Variants in ASAH1 observed in about 807,000 individuals in gnomAD.
The protein encoded by ASAH1 is acid ceramidase.
A neutral mutation model predicts 59.5 loss-of-function variants in ASAH1; 70 were observed. That is an observed-to-expected ratio of 1.18 (90% confidence interval 0.97 to 1.43). The LOEUF (loss-of-function observed/expected upper bound fraction) is 1.43, where lower values mean the gene tolerates loss of function less well. ASAH1 is among the 40% of genes most tolerant of loss of function. ASAH1 has a pLI of 0.00. For synonymous variants in ASAH1, 213 were observed against 166.5 expected (o/e 1.28, Z -2.15); for missense variants, 660 against 482.5 (o/e 1.37, Z -3.45).
intron 1 of ASAH1, among the ~76,000 whole-genome samples, chr8:18,079,855 C>T (rs7825389): frequency 0.49 from 74,492 of 152,064 alleles, 18,651 homozygotes; most frequent in Non-Finnish European, 0.54. Context: ...CCTACGTGTA[C>T]AAGAATTCAC....
At chr8:18,081,560 G>C (rs982694709) in intron 1 of ASAH1, among the ~76,000 whole-genome samples, 2 of 152,140 alleles carry the variant, frequency 1.3e-5, no homozygotes, top group African/African-American at 4.8e-5. Flanking sequence ...TTGTGCCACT[G>C]TCTTCACCAT....
chr8:18,083,936 C>G (rs1426496566), intron 1 of ASAH1, 45 bp downstream of exon 1: 3 of 1,577,530 alleles, frequency 1.9e-6, no homozygotes, highest in African/African-American at 2.7e-5. Flanking sequence ...CATCCGCGCC[C>G]GCACCTGCAC....
intron 9 of ASAH1, 60 bp from the exon 10 acceptor site, chr8:18,061,518 G>C (rs1799699091): frequency 1.3e-6 from 2 of 1,492,342 alleles, no homozygotes; most frequent in Admixed American, 3.3e-5. Flanking sequence ...AACCAGTCAG[G>C]ACCCGGAAGA....
chr8:18,067,094 G>GACCCGTGC, intron 5 of ASAH1, 126 bp downstream of exon 5: 2 of 119,538 alleles, frequency 1.7e-5, no homozygotes, highest in Non-Finnish European at 5.8e-5. Context: ...GTATATCTAA[G>GACCCGTGC]ACCTGTGCAC....
Position 18,057,471 on chromosome 8 carries a change from T to G in ASAH1, c.*63A>C. ...TTGGAAGGTCAGACAGCTGCAGTGT[T>G]CGGTCACATGGAGATGGTGTCTTCA... On this transcript the variant is annotated 3_prime_UTR_variant, in exon 14 of 14. Coordinates refer to ENST00000637790, the MANE Select transcript of ASAH1 (RefSeq NM_177924.5). 1 of 1,327,398 alleles carries G rather than the reference T, an allele frequency of 7.5e-7. No homozygotes were observed. The highest frequency in any genetic ancestry group is 1.1e-6 in the Non-Finnish European group (1 of 937,250). 82.2% of individuals were successfully genotyped at this position (1,327,398 alleles called of 1,614,324 possible).
At position 18,063,315 on chromosome 8, in the gene ASAH1, T is replaced by A. The variant is rs547651431; in HGVS notation, c.458-85A>T. 1,718 of 1,284,940 alleles carry A rather than the reference T, an allele frequency of 1.3e-3. 3 individuals carry two copies. The highest frequency in any genetic ancestry group is 4.1e-3 in the Middle Eastern group (22 of 5,360). 79.6% of individuals were successfully genotyped at this position (1,284,940 alleles called of 1,614,324 possible). A position where few individuals can be genotyped will look rare whatever the true frequency, so the allele number is the denominator to read the frequency against. On this transcript the variant is annotated intron_variant, in intron 6 of 13. Transcript: ENST00000637790. ...GACAATTAATTTTGATTAATTAATTTATTTTTGAGACAGAGTCTCGTTCTG... is the reference window on the plus strand; with the variant it reads ...GACAATTAATTTTGATTAATTAATTAATTTTTGAGACAGAGTCTCGTTCTG...
chr8:18,074,893 C>T (rs949919537), intron 2 of ASAH1, among the ~76,000 whole-genome samples: 2 of 152,106 alleles, frequency 1.3e-5, no homozygotes, highest in Non-Finnish European at 2.9e-5. Flanking sequence ...TATATCCAGG[C>T]ACCATAGAGA....
At position 18,078,762 on chromosome 8, in the gene ASAH1, G is replaced by T. The variant is rs572562191; in HGVS notation, c.79-3175C>A. On this transcript the variant is annotated intron_variant, in intron 1 of 13. Transcript: ENST00000637790. ...TTAAATAGATGATAGGTAAAGATTA[G>T]AAACAGATGATAAGAAGAGAGATTA... Among the ~76,000 whole-genome samples, 3 of 152,232 alleles carry T rather than the reference G, an allele frequency of 2.0e-5. No homozygotes were observed. In the South Asian group the frequency reaches 6.2e-4, roughly 32 times the overall value.
intron 10 of ASAH1, chr8:18,060,470 A>C (rs1245406405): frequency 6.6e-6 from 1 of 152,328 alleles, no homozygotes; most frequent in Non-Finnish European, 1.5e-5. Context: ...CCTTTCACTC[A>C]ACAACAGAAC....
chr8:18,058,147 C>G (rs1799547138), intron 13 of ASAH1: 1 of 153,276 alleles, frequency 6.5e-6, no homozygotes, highest in Admixed American at 6.5e-5. Flanking sequence ...GTGACTTGCT[C>G]AAAGATGGTA....
intron 1 of ASAH1, among the ~76,000 whole-genome samples, chr8:18,079,133 CT>C (rs1195684669): frequency 1.8e-5 from 2 of 113,660 alleles, no homozygotes; most frequent in Non-Finnish European, 4.2e-5. Flanking sequence ...CAAAAATTAG[CT>C]GGGTGGCATG....
At chr8:18,074,284 A>G (rs1800298397) in intron 2 of ASAH1, among the ~76,000 whole-genome samples, 1 of 150,416 alleles carries the variant, frequency 6.6e-6, no homozygotes, top group South Asian at 2.1e-4. Flanking sequence ...CATTGAAGAA[A>G]GAGCTGGAAT....
chr8:18,071,425 A>C (rs1800173336), intron 2 of ASAH1, 35 bp from the exon 3 acceptor site: 3 of 1,380,056 alleles, frequency 2.2e-6, no homozygotes, highest in African/African-American at 1.4e-5. Flanking sequence ...GAAATGATGA[A>C]AGGGTTTTTT....
rs961297650 is a variant in ASAH1, at chr8:18,061,013, A to T, written c.785+364T>A. 1.9e-5 allele frequency: 4 copies of T among 213,628 alleles called. No homozygotes were observed. The East Asian group carries it at 4.9e-4, about 26-fold the overall frequency. The allele number at this position is 213,628 out of a possible 1,614,324, so 13.2% of individuals were successfully genotyped here. A position where few individuals can be genotyped will look rare whatever the true frequency, so the allele number is the denominator to read the frequency against. On this transcript the variant is annotated intron_variant, in intron 10 of 13. Transcript: ENST00000637790. ...AGTCATCTGTCTATCTCAGCCACCC[A>T]AAGCGTGAGGATTACAGGCATAAGC... is the stretch of plus-strand genomic sequence containing the variant.
upstream of ASAH1, chr8:18,084,793 G>A (rs1197830333): frequency 3.7e-6 from 6 of 1,613,362 alleles, no homozygotes; most frequent in Non-Finnish European, 5.1e-6. Context: ...GCCCGATGCA[G>A]CAGTTCATTA....
At position 18,069,852 on chromosome 8, in the gene ASAH1, C is replaced by T. The variant is rs755243342; in HGVS notation, c.243G>A (p.Lys81=). 6.3e-7 allele frequency: 1 copy of T among 1,591,216 alleles called. No homozygotes were observed. Among genetic ancestry groups the T allele is most frequent in the African/African-American group, 1.3e-5 (1 of 74,814 alleles). Residue 81 remains lysine (K), a synonymous_variant, in exon 4 of 14, where the codon AAG becomes AAA. Coordinates refer to ENST00000637790, the MANE Select transcript of ASAH1 (RefSeq NM_177924.5). ...PVLKVIVNSL[K]NMINTFVPSG... ...TTGGCACGAATGTATTTATCATATT[C>T]TTCAGAGAATTCACTATAACCTTTA...
chr8:18,071,256 A>AAT (rs1427899108), intron 3 of ASAH1, 44 bp downstream of exon 3: 12 of 1,058,936 alleles, frequency 1.1e-5, no homozygotes, highest in African/African-American at 6.6e-5. Context: ...AATAAAATAA[A>AAT]AAATAAAAAT....
chr8:18,077,626 C>T (rs1305962515), intron 1 of ASAH1, among the ~76,000 whole-genome samples: 1 of 152,168 alleles, frequency 6.6e-6, no homozygotes, highest in Non-Finnish European at 1.5e-5. Flanking sequence ...TATTGATGTT[C>T]TTCCCAAAGT....
At chr8:18,073,121 A>C in intron 2 of ASAH1, 6 of 898,470 alleles carry the variant, frequency 6.7e-6, no homozygotes, top group Non-Finnish European at 8.5e-6. Flanking sequence ...TGGTTAATCT[A>C]ATAAACCAAA....
Sources: gnomAD v4.1 joint callset for allele counts (sites outside exome capture counted in the v4.1 genomes callset) on GRCh38, gnomAD v4.1.1 for gene constraint, MANE v1.5 for transcripts, NCBI Gene and HGNC (gene_info 2026-07-23, HGNC 2026-07-21) for gene names.